The following MYBL2 variants were observed in gnomAD, a reference collection of about 807,000 sequenced individuals.
The protein encoded by MYBL2 is myb-related protein B.
In MYBL2, 28 loss-of-function variants were observed where a neutral mutation model predicts 79.9. The observed-to-expected ratio is 0.35, with a 90% CI of 0.26 to 0.48. The LOEUF (loss-of-function observed/expected upper bound fraction) is 0.48. MYBL2 is among the 20% of genes least tolerant of loss of function. The probability of loss-of-function intolerance (pLI) is 0.99; values close to 1 mark genes in which losing one functional copy is unlikely to be tolerated. For missense variants in MYBL2, 735 were observed against 893.9 expected (o/e 0.82, Z 2.27); for synonymous variants, 378 against 361.2 (o/e 1.05, Z -0.53).
chr20:43,681,634 T>TGCA, intron 2 of MYBL2, 150 bp from the exon 3 acceptor site: 1 of 748,496 alleles, frequency 1.3e-6, no homozygotes, highest in Non-Finnish European at 2.3e-6. Flanking sequence ...TGCCTGCTGC[T>TGCA]GCAGCTGTAG....
chr20:43,667,257 G>T lies in MYBL2; in HGVS notation c.-27G>T. On this transcript the variant is annotated 5_prime_UTR_variant, in exon 1 of 14. Transcript: ENST00000217026. ...CTCCGGGCTCTGCCGGCGGGCGGGCGAGCGCGGCGCGGTCCGGGCCGGGGG... is the reference window on the plus strand; with the variant it reads ...CTCCGGGCTCTGCCGGCGGGCGGGCTAGCGCGGCGCGGTCCGGGCCGGGGG... 1 of 1,219,222 alleles carries T rather than the reference G, an allele frequency of 8.2e-7. No homozygotes were observed. Among genetic ancestry groups the T allele is most frequent in the South Asian group, 4.1e-5 (1 of 24,200 alleles). The allele number at this position is 1,219,222 out of a possible 1,614,324, so 75.5% of individuals were successfully genotyped here. A position where few individuals can be genotyped will look rare whatever the true frequency, so the allele number is the denominator to read the frequency against.
intron 1 of MYBL2, among the ~76,000 whole-genome samples, chr20:43,667,598 C>T (rs1054321672): frequency 3.9e-5 from 6 of 152,108 alleles, no homozygotes; most frequent in African/African-American, 1.4e-4. Context: ...ATTTTGTCTC[C>T]CGCCTAATTG....
At position 43,715,189 on chromosome 20, in the gene MYBL2, A is replaced by G; in HGVS notation, c.1880A>G (p.Asp627Gly). ...CTCACCCTGTCAGGTATCAAAGAAG[A>G]CAACAGCTTGCTCAACCAGGGCTTC... ...SSLTLSGIKE[D>G]NSLLNQGFLQ... Residue 627 changes from aspartate to glycine, a missense_variant, in exon 13 of 14, where the codon GAC becomes GGC. Around this residue, in one of 5 missense-constraint regions of MYBL2, gnomAD observed 204 missense variants for 202.9 expected, o/e 1.01. Transcript: ENST00000217026. 1.2e-6 allele frequency: 2 copies of G among 1,614,240 alleles called. No individual in the cohort carries two copies. Among genetic ancestry groups the G allele is most frequent in the African/African-American group, 1.3e-5 (1 of 75,064 alleles).
intron 12 of MYBL2, among the ~76,000 whole-genome samples, 186 bp downstream of exon 12, chr20:43,713,292 T>G (rs1010898427): frequency 1.3e-5 from 2 of 152,090 alleles, no homozygotes; most frequent in Non-Finnish European, 2.9e-5. Flanking sequence ...CACAGAAGGT[T>G]TTGTTTGGCA....
chr20:43,695,417 T>C (rs1363182916), intron 6 of MYBL2, among the ~76,000 whole-genome samples: 7 of 152,186 alleles, frequency 4.6e-5, no homozygotes, highest in Admixed American at 6.6e-5. Flanking sequence ...AGTTTCTTAC[T>C]GATGTAGATA....
At chr20:43,703,467 G>A (rs1050354181) in intron 8 of MYBL2, among the ~76,000 whole-genome samples, 2 of 152,208 alleles carry the variant, frequency 1.3e-5, no homozygotes, top group African/African-American at 2.4e-5. Context: ...TCGGGAGCCG[G>A]GATGGGTGCC....
At chr20:43,696,047 AT>A (rs1412152334) in intron 6 of MYBL2, among the ~76,000 whole-genome samples, 1 of 152,094 alleles carries the variant, frequency 6.6e-6, no homozygotes, top group African/African-American at 2.4e-5. Flanking sequence ...CTCTTAATAC[AT>A]TTTGTTAGAT....
Position 43,715,251 on chromosome 20 carries a change from A to C in MYBL2, c.1942A>C (p.Lys648Gln). The C allele has an allele frequency of 6.2e-7, 1 of 1,614,194 alleles. No homozygotes were observed. Among genetic ancestry groups the C allele is most frequent in the East Asian group, 2.2e-5 (1 of 44,878 alleles). ...AKPEKAAVAQ[K>Q]PRSHFTTPAP... ...GCCCGAGAAGGCAGCAGTGGCCCAG[A>C]AGCCCCGAAGCCACTTCACGACACC... is the stretch of plus-strand genomic sequence containing the variant. Residue 648 changes from lysine (K) to glutamine (Q), a missense_variant, in exon 13 of 14, where the codon AAG (lysine) becomes CAG (glutamine). Lys to Gln is a moderately conservative substitution (Grantham distance 53). This residue lies in a region of MYBL2 where 204 missense variants were observed against 202.9 expected (regional missense o/e 1.01). Coordinates refer to ENST00000217026, the MANE Select transcript of MYBL2 (RefSeq NM_002466.4).
chr20:43,681,626 C>T (rs1206854006), intron 2 of MYBL2, among the ~76,000 whole-genome samples, 158 bp from the exon 3 acceptor site: 2 of 152,206 alleles, frequency 1.3e-5, no homozygotes, highest in Admixed American at 6.5e-5. Context: ...TCTTTTGCTG[C>T]CTGCTGCTGC....
chr20:43,675,462 C>T (rs1245462599), intron 2 of MYBL2, among the ~76,000 whole-genome samples: 12 of 151,788 alleles, frequency 7.9e-5, no homozygotes, highest in African/African-American at 4.8e-5. Context: ...TACAGGCACC[C>T]GCCATCATGC....
At chr20:43,712,944 G>GCTGA in intron 11 of MYBL2, 58 bp from the exon 12 acceptor site, 1 of 1,363,250 alleles carries the variant, frequency 7.3e-7, no homozygotes, top group South Asian at 1.2e-5. Flanking sequence ...CCATCCAGGT[G>GCTGA]CTGACCATGG....
intron 11 of MYBL2, among the ~76,000 whole-genome samples, chr20:43,712,009 C>CT (rs1306750562): frequency 6.6e-6 from 1 of 151,956 alleles, no homozygotes; most frequent in South Asian, 2.1e-4. Context: ...CCAAAGGAAT[C>CT]TTTTGGGTGG....
At chr20:43,691,865 A>G (rs1015308868) in intron 5 of MYBL2, among the ~76,000 whole-genome samples, 1 of 151,800 alleles carries the variant, frequency 6.6e-6, no homozygotes, top group Non-Finnish European at 1.5e-5. Context: ...TTTAATTAAA[A>G]AAAATTTTGT....
At chr20:43,689,795 T>A (rs1005641999) in intron 5 of MYBL2, among the ~76,000 whole-genome samples, 62 of 152,214 alleles carry the variant, frequency 4.1e-4, no homozygotes, top group African/African-American at 1.4e-3. Flanking sequence ...CCTACAATAA[T>A]GCCTGGCACA....
chr20:43,695,705 G>A (rs938066770), intron 6 of MYBL2, among the ~76,000 whole-genome samples: 1 of 150,860 alleles, frequency 6.6e-6, no homozygotes, highest in Non-Finnish European at 1.5e-5. Context: ...AAAAAAGCTG[G>A]TGCGGTGGCA....
chr20:43,701,899 C>T (rs1198453306), intron 7 of MYBL2, among the ~76,000 whole-genome samples: 1 of 152,100 alleles, frequency 6.6e-6, no homozygotes, highest in African/African-American at 2.4e-5. Flanking sequence ...GGTGCAGTGG[C>T]TCACACCTGT....
In MYBL2 at chr20:43,682,816, A is replaced by G; in HGVS notation, c.209A>G (p.Gln70Arg). Residue 70 changes from glutamine (Q) to arginine (R), a missense_variant, in exon 4 of 14, where the codon CAG becomes CGG. Gln to Arg is a conservative substitution (Grantham distance 43, BLOSUM62 1). This residue lies in a region of MYBL2 where 79 missense variants were observed against 86.7 expected (regional missense o/e 0.91). Transcript: ENST00000217026. ...CAGAACCGCACTGACCAGCAATGCC[A>G]GTACAGGTGGCTGAGAGTTTTGAAT... ...HFPNRTDQQCQYRWLRVLNPD... is the reference protein window; with the variant it reads ...HFPNRTDQQCRYRWLRVLNPD... 1 of 1,614,074 alleles carries G rather than the reference A, an allele frequency of 6.2e-7. No individual in the cohort carries two copies.
chr20:43,669,668 C>G (rs1187074765), intron 1 of MYBL2, among the ~76,000 whole-genome samples: 1 of 152,196 alleles, frequency 6.6e-6, no homozygotes, highest in African/African-American at 2.4e-5. Flanking sequence ...AGGTTCAGAG[C>G]CTGGCTCTAT....
In MYBL2 at chr20:43,702,344, G is replaced by A. The variant is rs115748983; in HGVS notation, c.952-146G>A. On this transcript the variant is annotated intron_variant, in intron 7 of 13. Transcript: ENST00000217026. ...ATGAAAATATAGATGTATAGTCATA[G>A]AAAACTTTGAGGAAATGCATGAAAT... The A allele has an allele frequency of 3.0e-3, 2,733 of 903,878 alleles. 61 individuals are homozygous for A. The African/African-American group carries it at 0.039, about 13-fold the overall frequency. 56.0% of individuals were successfully genotyped at this position (903,878 alleles called of 1,614,324 possible). A position where few individuals can be genotyped will look rare whatever the true frequency, so the allele number is the denominator to read the frequency against.
Sources: allele counts gnomAD v4.1 joint callset (sites outside exome capture counted in the v4.1 genomes callset), GRCh38; gene constraint gnomAD v4.1.1; regional missense constraint gnomAD v4.1.1; transcripts MANE v1.5; gene names NCBI Gene and HGNC (gene_info 2026-07-23, HGNC 2026-07-21).